ALOX5AP: variants seen among roughly 807,000 people sequenced by gnomAD.
ALOX5AP encodes the protein arachidonate 5-lipoxygenase activating protein, also known as arachidonate 5-lipoxygenase-activating protein.
Under a neutral mutation model 18.5 loss-of-function variants are expected in ALOX5AP, and 9 were observed. The observed-to-expected ratio is 0.49, with a 90% CI of 0.29 to 0.85. The LOEUF (loss-of-function observed/expected upper bound fraction) is 0.85. Among genes scored for constraint, ALOX5AP ranks in the 40% least tolerant of loss-of-function variants. The pLI, the probability that ALOX5AP is intolerant of heterozygous loss-of-function variation, is 0.08. For synonymous variants in ALOX5AP, 81 were observed against 78.6 expected (o/e 1.03, Z -0.16); for missense variants, 172 against 202.5 (o/e 0.85, Z 0.91).
intron 1 of ALOX5AP, among the ~76,000 whole-genome samples, chr13:30,719,439 A>G (rs533298851): frequency 1.3e-5 from 2 of 152,330 alleles, no homozygotes; most frequent in African/African-American, 2.4e-5. Flanking sequence ...ATTAAATAAT[A>G]TGTGTAAGGC....
intron 1 of ALOX5AP, among the ~76,000 whole-genome samples, chr13:30,725,825 G>A (rs936620616): frequency 6.6e-6 from 1 of 152,140 alleles, no homozygotes; most frequent in Non-Finnish European, 1.5e-5. Flanking sequence ...TCTGATCATG[G>A]GCTTCACTGG....
intron 1 of ALOX5AP, among the ~76,000 whole-genome samples, chr13:30,714,206 CAAAAAAA>C (rs57400275): frequency 8.9e-6 from 1 of 111,876 alleles, no homozygotes. Flanking sequence ...TGCTAACTTT[CAAAAAAA>C]AAAAAAAAAA....
At chr13:30,763,870 G>A in intron 4 of ALOX5AP, 74 bp from the exon 5 acceptor site, 1 of 1,401,008 alleles carries the variant, frequency 7.1e-7, no homozygotes, top group African/African-American at 1.4e-5. Context: ...ATCTAAAAGG[G>A]GTAACATTTT....
chr13:30,716,038 G>A (rs540764954), intron 1 of ALOX5AP, among the ~76,000 whole-genome samples: 3 of 152,358 alleles, frequency 2.0e-5, no homozygotes, highest in African/African-American at 7.2e-5. Context: ...CTAGGGCTGT[G>A]TCAGAGTGGC....
intron 1 of ALOX5AP, among the ~76,000 whole-genome samples, chr13:30,739,979 G>C (rs1951750026): frequency 6.6e-6 from 1 of 152,196 alleles, no homozygotes; most frequent in Non-Finnish European, 1.5e-5. Flanking sequence ...CAGTCCTGGT[G>C]CTGTTCCCTA....
Position 30,763,976 on chromosome 13 carries a change from T to G in ALOX5AP, c.356T>G (p.Ile119Arg), listed in dbSNP as rs1345574893. 5.6e-6 allele frequency: 9 copies of G among 1,614,084 alleles called. No individual in the cohort carries two copies. Among genetic ancestry groups the G allele is most frequent in the African/African-American group, 1.3e-5 (1 of 74,932 alleles). The change falls in exon 5 of 5, where the codon ATA becomes AGA. Residue 119 changes from isoleucine (I) to arginine (R), a missense_variant. Ile to Arg is a moderately conservative substitution (Grantham distance 97). Transcript: ENST00000380490. The stretch of plus-strand genomic sequence containing the variant: ...GGCTACATATTTGGGAAACGCATCA[T>G]ACTCTTCCTGTTCCTCATGTCCGTT... ...TPGYIFGKRI[I>R]LFLFLMSVAG...
rs1951892185 is a variant in ALOX5AP at position 30,756,170 on chromosome 13, G to A, written c.323+145G>A. The A allele has an allele frequency of 4.3e-6, 3 of 691,796 alleles. No homozygotes were observed. The South Asian group carries it at 5.3e-5, about 12-fold the overall frequency. 42.9% of individuals were successfully genotyped at this position (691,796 alleles called of 1,614,324 possible). ...AGGGGGAAGGCTGACTAGGACCTCT[G>A]ATTCTTCTTTCCCTGAGCTTTGAAG... is the stretch of plus-strand genomic sequence containing the variant. On this transcript the variant is annotated intron_variant, in intron 4 of 4. Coordinates refer to ENST00000380490, the MANE Select transcript of ALOX5AP (RefSeq NM_001629.4).
chr13:30,727,172 G>C (rs1477817998), intron 1 of ALOX5AP, among the ~76,000 whole-genome samples: 1 of 151,842 alleles, frequency 6.6e-6, no homozygotes, highest in East Asian at 1.9e-4. Flanking sequence ...TCCAGCCTCA[G>C]CCTCCAGAGT....
upstream of ALOX5AP, among the ~76,000 whole-genome samples, chr13:30,733,802 A>G (rs1951700013): frequency 2.0e-5 from 3 of 152,160 alleles, no homozygotes; most frequent in Admixed American, 1.3e-4. Context: ...TGGGCCATCC[A>G]TCTTCTCCTG....
At chr13:30,743,242 C>A (rs527301930) in intron 1 of ALOX5AP, among the ~76,000 whole-genome samples, 1 of 152,012 alleles carries the variant, frequency 6.6e-6, no homozygotes, top group African/African-American at 2.4e-5. Flanking sequence ...ATGCCTCAAA[C>A]GGCCCCTTAC....
At chr13:30,750,663 A>T (rs1246049333) in intron 2 of ALOX5AP, among the ~76,000 whole-genome samples, 1 of 152,192 alleles carries the variant, frequency 6.6e-6, no homozygotes, top group Non-Finnish European at 1.5e-5. Context: ...CTCACCAATC[A>T]TGCCCACATC....
Position 30,746,493 on chromosome 13 carries a change from G to A in ALOX5AP, c.170+2334G>A, listed in dbSNP as rs569400212. On this transcript the variant is annotated intron_variant, in intron 2 of 4. Transcript: ENST00000380490. ...CTCCCTGGGCCAGCAACATATCTGT[G>A]TGCCTGTCTGGGTTGTAAAAAGGGT... is the stretch of plus-strand genomic sequence containing the variant. Among the ~76,000 whole-genome samples the A allele has an allele frequency of 7.9e-5, 12 of 152,374 alleles. 1 individual carries two copies. The South Asian group carries it at 2.5e-3, about 32-fold the overall frequency.
intron 3 of ALOX5AP, among the ~76,000 whole-genome samples, chr13:30,752,453 A>T (rs577742408): frequency 1.3e-5 from 2 of 152,228 alleles, no homozygotes; most frequent in African/African-American, 4.8e-5. Flanking sequence ...TGCCTGAGGG[A>T]TCTATTTTGG....
At chr13:30,760,460 A>G (rs1593446774) in intron 4 of ALOX5AP, among the ~76,000 whole-genome samples, 2 of 152,342 alleles carry the variant, frequency 1.3e-5, no homozygotes. Flanking sequence ...GCCTCATCCT[A>G]GAAGTGGTTA....
rs12721459 is a variant in ALOX5AP, at chr13:30,752,186, G to T, written c.241+64G>T. On this transcript the variant is annotated intron_variant, in intron 3 of 4. Transcript: ENST00000380490. ...AGTGCATCTCAAGGAGGTTCAAAGGGCAGGCTTTTTGTTGAAAGGACTTTG... is the reference window on the plus strand; with the variant it reads ...AGTGCATCTCAAGGAGGTTCAAAGGTCAGGCTTTTTGTTGAAAGGACTTTG... The T allele has an allele frequency of 2.0e-3, 3,175 of 1,549,118 alleles. 63 individuals are homozygous for T. The African/African-American group carries it at 0.039, about 19-fold the overall frequency.
Position 30,763,932 on chromosome 13 carries a change from C to T in ALOX5AP, c.324-12C>T. ...CACTGCATCTACAGTTTTCTTTTTC[C>T]TTCTCTTCCAGCACCCCTGGCTACA... is the stretch of plus-strand genomic sequence containing the variant. On this transcript the variant is annotated splice_polypyrimidine_tract_variant and intron_variant, in intron 4 of 4. Transcript: ENST00000380490. 1.2e-6 allele frequency: 2 copies of T among 1,605,868 alleles called. No homozygotes were observed. The highest frequency in any genetic ancestry group is 8.5e-7 in the Non-Finnish European group (1 of 1,177,362).
chr13:30,745,280 C>T (rs1951800428), intron 2 of ALOX5AP, among the ~76,000 whole-genome samples: 1 of 152,174 alleles, frequency 6.6e-6, no homozygotes, highest in Non-Finnish European at 1.5e-5. Flanking sequence ...GGGGCATCTC[C>T]TCCATTGCAG....
intron 1 of ALOX5AP, among the ~76,000 whole-genome samples, chr13:30,739,752 T>C (rs9315045): frequency 0.28 from 43,139 of 152,202 alleles, 6,784 homozygotes; most frequent in African/African-American, 0.42. Context: ...TTATTTATTC[T>C]TGTTTTACAG....
chr13:30,725,118 T>A (rs1474541333), intron 1 of ALOX5AP, among the ~76,000 whole-genome samples: 1 of 152,124 alleles, frequency 6.6e-6, no homozygotes, highest in Non-Finnish European at 1.5e-5. Context: ...AAGTGGGTGT[T>A]CATTTTACCT....
Sources: gnomAD v4.1 joint callset for allele counts (sites outside exome capture counted in the v4.1 genomes callset) on GRCh38, gnomAD v4.1.1 for gene constraint, MANE v1.5 for transcripts, NCBI Gene and HGNC (gene_info 2026-07-23, HGNC 2026-07-21) for gene names.